The following AGO3 variants were observed in gnomAD, a reference collection of about 807,000 sequenced individuals.
The protein encoded by AGO3 is protein argonaute-3.
A neutral mutation model predicts 105.5 loss-of-function variants in AGO3; 16 were observed. The ratio of observed to expected loss-of-function variants is 0.15; its 90% CI spans 0.10 to 0.23. The LOEUF (loss-of-function observed/expected upper bound fraction) is 0.23, where lower values mean the gene tolerates loss of function less well. AGO3 is among the 10% of genes least tolerant of loss of function. The pLI is 1.00. For synonymous variants in AGO3, 340 were observed against 367.3 expected (o/e 0.93, Z 0.85); for missense variants, 534 against 1,088.0 (o/e 0.49, Z 7.16).
chr1:36,025,951 T>C (rs1456545362), intron 11 of AGO3, among the ~76,000 whole-genome samples: 2 of 151,770 alleles, frequency 1.3e-5, no homozygotes, highest in Non-Finnish European at 2.9e-5. Context: ...GGTGGGAAGA[T>C]CATTTGAGCC....
At chr1:35,984,467 C>A (rs1167658445) in intron 5 of AGO3, 1 of 152,234 alleles carries the variant, frequency 6.6e-6, no homozygotes, top group Non-Finnish European at 1.5e-5. Flanking sequence ...GTTCTTCTTA[C>A]AGGTTTCAGT....
intron 1 of AGO3, among the ~76,000 whole-genome samples, chr1:35,932,120 A>T (rs1029527569): frequency 1.3e-5 from 2 of 152,208 alleles, no homozygotes; most frequent in African/African-American, 4.8e-5. Context: ...GAATTTAAGA[A>T]AACTGCTTTA....
intron 17 of AGO3, 48 bp from the exon 18 acceptor site, chr1:36,054,898 C>T (rs779026795): frequency 1.9e-6 from 3 of 1,577,182 alleles, no homozygotes; most frequent in Non-Finnish European, 2.6e-6. Flanking sequence ...CAAAACAAAA[C>T]AAAAAGAGTT....
chr1:36,010,002 G>A (rs529523521), intron 9 of AGO3, among the ~76,000 whole-genome samples: 2 of 129,416 alleles, frequency 1.5e-5, no homozygotes, highest in African/African-American at 3.0e-5. Flanking sequence ...GCAGTGGCAC[G>A]ATCTTGGCTC....
At chr1:35,947,299 G>A (rs1306017777) in intron 2 of AGO3, among the ~76,000 whole-genome samples, 1 of 151,594 alleles carries the variant, frequency 6.6e-6, no homozygotes, top group Non-Finnish European at 1.5e-5. Flanking sequence ...ACTATCTGTT[G>A]AATAGATGAC....
intron 11 of AGO3, among the ~76,000 whole-genome samples, chr1:36,025,760 G>A (rs948675583): frequency 1.3e-5 from 2 of 152,058 alleles, no homozygotes; most frequent in Admixed American, 6.6e-5. Context: ...ATTGGTGGCC[G>A]GGAGCAGTGG....
At chr1:36,029,391 CTT>C (rs71034710) in intron 12 of AGO3, among the ~76,000 whole-genome samples, 9 of 121,672 alleles carry the variant, frequency 7.4e-5, no homozygotes, top group African/African-American at 1.2e-4. Context: ...CTCTTTCTTT[CTT>C]TTTTTTTTTT....
intron 3 of AGO3, among the ~76,000 whole-genome samples, chr1:35,970,473 A>T (rs1646845403): frequency 6.6e-6 from 1 of 152,252 alleles, no homozygotes; most frequent in South Asian, 2.1e-4. Flanking sequence ...TACAGTACAT[A>T]TAAAATAGTT....
At chr1:35,979,168 T>C (rs376801717) in intron 5 of AGO3, among the ~76,000 whole-genome samples, 9 of 152,130 alleles carry the variant, frequency 5.9e-5, no homozygotes, top group African/African-American at 2.2e-4. Flanking sequence ...ATTGAGACCA[T>C]CCTGGCTAAC....
rs965455341 is a variant in AGO3, at chr1:36,071,190, A to AAAAAC, written c.*15463_*15467dup. The AAAAAC allele has an allele frequency of 7.2e-5, 11 of 152,176 alleles. No homozygotes were observed. The highest frequency in any genetic ancestry group is 2.4e-4 in the African/African-American group (10 of 41,430). 9.4% of individuals were successfully genotyped at this position (152,176 alleles called of 1,614,324 possible). Reference sequence around the variant, plus strand: ...CTGCTCCCACTAGATAATTGCTGCTAAAAACAAAACAAAACAAAACAATAC... The same window carrying AAAAAC: ...CTGCTCCCACTAGATAATTGCTGCTAAAAACAAAACAAAACAAAACAAAACAATAC... On this transcript the variant is annotated 3_prime_UTR_variant, in exon 19 of 19. Coordinates refer to ENST00000373191, the MANE Select transcript of AGO3 (RefSeq NM_024852.4).
At position 35,997,528 on chromosome 1, in the gene AGO3, T is replaced by C. The variant is rs570903209; in HGVS notation, c.659-6813T>C. ...AGTGTACTGTGTTGCCAGATGATTT[T>C]GTCCAACCGTAGGCTCATATAAGTG... is the stretch of plus-strand genomic sequence containing the variant. On this transcript the variant is annotated intron_variant, in intron 5 of 18. Coordinates refer to ENST00000373191, the MANE Select transcript of AGO3 (RefSeq NM_024852.4). 2.6e-5 allele frequency among the ~76,000 whole-genome samples: 4 copies of C among 152,318 alleles called. No individual in the cohort carries two copies. In the South Asian group the frequency reaches 8.3e-4, roughly 32 times the overall value.
intron 9 of AGO3, among the ~76,000 whole-genome samples, chr1:36,011,924 G>A (rs1002984748): frequency 6.6e-6 from 1 of 152,152 alleles, no homozygotes; most frequent in Non-Finnish European, 1.5e-5. Context: ...AGTACATCAT[G>A]CAGCAAGTCA....
At chr1:36,011,235 A>G (rs1245337149) in intron 9 of AGO3, among the ~76,000 whole-genome samples, 1 of 152,246 alleles carries the variant, frequency 6.6e-6, no homozygotes, top group African/African-American at 2.4e-5. Flanking sequence ...AAGCAATTTT[A>G]AAGATTATTG....
At chr1:35,986,839 T>C (rs1434344146) in intron 5 of AGO3, among the ~76,000 whole-genome samples, 1 of 149,678 alleles carries the variant, frequency 6.7e-6, no homozygotes, top group African/African-American at 2.5e-5. Flanking sequence ...CTACTAAACA[T>C]ACAGAAATTA....
chr1:36,045,244 C>T (rs1225766872), intron 17 of AGO3, among the ~76,000 whole-genome samples: 11 of 151,138 alleles, frequency 7.3e-5, no homozygotes, highest in East Asian at 1.9e-4. Context: ...TTTTTTTTAA[C>T]GGAGTCTCAC....
chr1:36,027,532 C>G lies in AGO3; in HGVS notation c.1591+234C>G, dbSNP rs557526491. Among the ~76,000 whole-genome samples, 2 of 151,900 alleles carry G rather than the reference C, an allele frequency of 1.3e-5. No homozygotes were observed. The highest frequency in any genetic ancestry group is 1.5e-5 in the Non-Finnish European group (1 of 67,974). On this transcript the variant is annotated intron_variant, in intron 12 of 18. Coordinates refer to ENST00000373191, the MANE Select transcript of AGO3 (RefSeq NM_024852.4). The surrounding 1 kb of genome is among the most constrained non-coding windows in gnomAD (Gnocchi z 4.0). ...GTGGCTCACGCCTGTAATCCCAGCA[C>G]TTTGGGAGGCCGAGGCGGGTGGATC...
At position 36,021,980 on chromosome 1, in the gene AGO3, G is replaced by T. The variant is rs140452599; in HGVS notation, c.1407-5134G>T. 6.6e-3 allele frequency among the ~76,000 whole-genome samples: 1,003 copies of T among 151,362 alleles called. 9 individuals carry two copies. The highest frequency in any genetic ancestry group is 0.023 in the African/African-American group (955 of 41,270). On this transcript the variant is annotated intron_variant, in intron 11 of 18. Transcript: ENST00000373191. ...TTTTATAGAAAATCTTTTAAAAGAG[G>T]GAATAAAAATATTGAAATCTTATTA...
intron 5 of AGO3, among the ~76,000 whole-genome samples, chr1:35,990,833 ATAT>A (rs1274060291): frequency 1.1e-4 from 17 of 152,356 alleles, no homozygotes; most frequent in African/African-American, 3.6e-4. Flanking sequence ...TGATTTTATA[ATAT>A]TCAAATTAGT....
At chr1:36,046,868 C>G (rs1642495832) in intron 17 of AGO3, among the ~76,000 whole-genome samples, 1 of 152,110 alleles carries the variant, frequency 6.6e-6, no homozygotes, top group Admixed American at 6.6e-5. Context: ...CCTGGAAGAT[C>G]TGAGCAGCTC....
Sources: allele counts gnomAD v4.1 joint callset (sites outside exome capture counted in the v4.1 genomes callset), GRCh38; gene constraint gnomAD v4.1.1; non-coding constraint Gnocchi (gnomAD v3.1); transcripts MANE v1.5; gene names NCBI Gene and HGNC (gene_info 2026-07-23, HGNC 2026-07-21).